The following TMEM184B variants were observed in gnomAD, a reference collection of about 807,000 sequenced individuals.
The protein encoded by TMEM184B is putative MAPK-activating protein FM08.
A neutral mutation model predicts 41.8 loss-of-function variants in TMEM184B; 17 were observed. The ratio of observed to expected loss-of-function variants is 0.41; its 90% CI spans 0.28 to 0.61. TMEM184B has a LOEUF of 0.61. Among genes scored for constraint, TMEM184B ranks in the 20% least tolerant of loss-of-function variants. TMEM184B has a pLI of 0.34. For missense variants in TMEM184B, 393 were observed against 557.8 expected (o/e 0.70, Z 2.98); for synonymous variants, 240 against 229.5 (o/e 1.05, Z -0.41).
At chr22:38,227,445 C>T (rs1398107513) in intron 5 of TMEM184B, among the ~76,000 whole-genome samples, 1 of 152,044 alleles carries the variant, frequency 6.6e-6, no homozygotes, top group East Asian at 1.9e-4. Flanking sequence ...AAGGCTAGGG[C>T]CCTGCTCAAG....
At position 38,219,610 on chromosome 22, in the gene TMEM184B, C is replaced by T. The variant is rs528889255; in HGVS notation, c.*1859G>A. On this transcript the variant is annotated 3_prime_UTR_variant, in exon 9 of 9. Coordinates refer to ENST00000361906, the MANE Select transcript of TMEM184B (RefSeq NM_012264.5). ...GGTCGGGCACATGTTCCCGTCCCCACGACCCCACGGACCGCTGATTCCCTG... is the reference window on the plus strand; with the variant it reads ...GGTCGGGCACATGTTCCCGTCCCCATGACCCCACGGACCGCTGATTCCCTG... 1.2e-5 allele frequency: 12 copies of T among 985,468 alleles called. No homozygotes were observed. In the African/African-American group the frequency reaches 1.2e-4, roughly 10 times the overall value. 61.0% of individuals were successfully genotyped at this position (985,468 alleles called of 1,614,324 possible). A position where few individuals can be genotyped will look rare whatever the true frequency, so the allele number is the denominator to read the frequency against.
At chr22:38,264,750 C>A (rs2092420478) in intron 1 of TMEM184B, among the ~76,000 whole-genome samples, 1 of 152,204 alleles carries the variant, frequency 6.6e-6, no homozygotes, top group Non-Finnish European at 1.5e-5. Context: ...TTCCACAAAT[C>A]TGGCCCAACT....
intron 3 of TMEM184B, among the ~76,000 whole-genome samples, chr22:38,242,347 G>A (rs1225159291): frequency 6.6e-6 from 1 of 151,948 alleles, no homozygotes; most frequent in Non-Finnish European, 1.5e-5. Context: ...GCGTGAAGGC[G>A]TGTGCCTGTA....
rs2091210468 is a variant in TMEM184B, at chr22:38,219,810, C to T, written c.*1659G>A. ...AGGGCTGGTCCTCAGCCTGTGTCTGCACCCACCCTCCCGGGCAGCTTGGGC... is the reference window on the plus strand; with the variant it reads ...AGGGCTGGTCCTCAGCCTGTGTCTGTACCCACCCTCCCGGGCAGCTTGGGC... On this transcript the variant is annotated 3_prime_UTR_variant, in exon 9 of 9. Coordinates refer to ENST00000361906, the MANE Select transcript of TMEM184B (RefSeq NM_012264.5). 1 of 985,512 alleles carries T rather than the reference C, an allele frequency of 1.0e-6. No homozygotes were observed. Among genetic ancestry groups the T allele is most frequent in the Non-Finnish European group, 1.2e-6 (1 of 829,980 alleles). The allele number at this position is 985,512 out of a possible 1,614,324, so 61.0% of individuals were successfully genotyped here. A position where few individuals can be genotyped will look rare whatever the true frequency, so the allele number is the denominator to read the frequency against.
intron 1 of TMEM184B, among the ~76,000 whole-genome samples, chr22:38,259,324 T>C (rs1208471287): frequency 6.6e-6 from 1 of 152,234 alleles, no homozygotes; most frequent in Admixed American, 6.5e-5. Context: ...GTTGACATCC[T>C]AACCCCCAGA....
intron 1 of TMEM184B, among the ~76,000 whole-genome samples, chr22:38,271,159 C>T (rs2092516642): frequency 6.6e-6 from 1 of 152,200 alleles, no homozygotes; most frequent in Non-Finnish European, 1.5e-5. Flanking sequence ...GCTATTGGAG[C>T]CTCGTATCCA....
downstream of TMEM184B, among the ~76,000 whole-genome samples, chr22:38,217,614 C>A (rs1254207880): frequency 1.3e-5 from 2 of 151,748 alleles, no homozygotes; most frequent in Admixed American, 1.3e-4. Flanking sequence ...TGGACTCCAG[C>A]CTGGGCGACA....
intron 4 of TMEM184B, 76 bp from the exon 5 acceptor site, chr22:38,230,820 C>A: frequency 1.5e-6 from 2 of 1,375,224 alleles, no homozygotes; most frequent in South Asian, 1.2e-5. Context: ...TGGGGAAGGC[C>A]GCCCTCCCAC....
At chr22:38,269,314 G>T (rs1054055848) in intron 1 of TMEM184B, among the ~76,000 whole-genome samples, 1 of 152,142 alleles carries the variant, frequency 6.6e-6, no homozygotes, top group South Asian at 2.1e-4. Flanking sequence ...TCCGCCTCCC[G>T]GATTAAAGCA....
At chr22:38,230,286 G>A (rs2091572893) in intron 5 of TMEM184B, among the ~76,000 whole-genome samples, 1 of 152,250 alleles carries the variant, frequency 6.6e-6, no homozygotes, top group Non-Finnish European at 1.5e-5. Flanking sequence ...GACGGCAGAG[G>A]CCTGTTCTGG....
rs2034164173 is a variant in TMEM184B, at chr22:38,224,933, G to C, written c.834C>G (p.Ile278Met). 3 of 1,604,136 alleles carry C rather than the reference G, an allele frequency of 1.9e-6. No homozygotes were observed. The highest frequency in any genetic ancestry group is 2.6e-6 in the Non-Finnish European group (3 of 1,175,156). Residue 278 changes from isoleucine to methionine, a missense_variant, in exon 8 of 9, where the codon ATC becomes ATG. Transcript: ENST00000361906. ...CGCCCACCGACACGCGGGCCGAGTG[G>C]ATTTTGGGGATGGCCCCACACTTCT... The part of the protein sequence containing the change: ...ILEKCGAIPK[I>M]HSARVSVGEG...
At chr22:38,267,216 T>C (rs570430056) in intron 1 of TMEM184B, among the ~76,000 whole-genome samples, 17 of 152,052 alleles carry the variant, frequency 1.1e-4, no homozygotes, top group Non-Finnish European at 1.9e-4. Context: ...TTGTAAAACA[T>C]GGTTGAGCTG....
intron 5 of TMEM184B, among the ~76,000 whole-genome samples, chr22:38,228,376 A>T (rs183970930): frequency 1.6e-3 from 242 of 151,968 alleles, no homozygotes; most frequent in African/African-American, 5.0e-3. Context: ...CCCATGGTAC[A>T]GGTGAGGAAA....
intron 3 of TMEM184B, chr22:38,231,600 G>C (rs1015230020): frequency 1.7e-6 from 1 of 593,546 alleles, no homozygotes; most frequent in Admixed American, 2.4e-5. Context: ...AGGGACTGTC[G>C]TGAGTTCAGG....
At position 38,255,022 on chromosome 22, in the gene TMEM184B, T is replaced by A. The variant is rs147857145; in HGVS notation, c.-58-7003A>T. On this transcript the variant is annotated intron_variant, in intron 1 of 8. Transcript: ENST00000361906. ...CCCGCCACCATGGCCAGCTAATTTT[T>A]TTTATTTATTTATTTTTTTGAGACG... Among the ~76,000 whole-genome samples, 106 of 151,968 alleles carry A rather than the reference T, an allele frequency of 7.0e-4. 1 individual carries two copies. The highest frequency in any genetic ancestry group is 1.2e-3 in the Admixed American group (18 of 15,266).
At chr22:38,230,612 G>T in intron 5 of TMEM184B, 57 bp downstream of exon 5, 2 of 1,561,554 alleles carry the variant, frequency 1.3e-6, no homozygotes, top group East Asian at 4.6e-5. Context: ...CCCACGGCAG[G>T]GCCTCCCAGA....
At chr22:38,245,713 G>A (rs2092010889) in intron 3 of TMEM184B, among the ~76,000 whole-genome samples, 2 of 152,088 alleles carry the variant, frequency 1.3e-5, no homozygotes, top group African/African-American at 4.8e-5. Flanking sequence ...ATTGAGAAGC[G>A]AGACCCAGGT....
intron 1 of TMEM184B, among the ~76,000 whole-genome samples, chr22:38,253,656 T>C (rs950898390): frequency 1.3e-5 from 2 of 152,064 alleles, no homozygotes; most frequent in African/African-American, 2.4e-5. Context: ...AAATCACACA[T>C]TTAAATGTAA....
At position 38,220,204 on chromosome 22, in the gene TMEM184B, C is replaced by G; in HGVS notation, c.*1265G>C. 4.1e-6 allele frequency: 4 copies of G among 985,762 alleles called. No individual in the cohort carries two copies. Among genetic ancestry groups the G allele is most frequent in the Non-Finnish European group, 4.8e-6 (4 of 830,078 alleles). 61.1% of individuals were successfully genotyped at this position (985,762 alleles called of 1,614,324 possible). On this transcript the variant is annotated 3_prime_UTR_variant, in exon 9 of 9. Transcript: ENST00000361906. ...GCTGGGGGTTCCGGAGGCCCCAGGTCTAGAGGTGTGGAGGGGGAGAGGAGG... is the reference window on the plus strand; with the variant it reads ...GCTGGGGGTTCCGGAGGCCCCAGGTGTAGAGGTGTGGAGGGGGAGAGGAGG...
Sources: allele counts gnomAD v4.1 joint callset (sites outside exome capture counted in the v4.1 genomes callset), GRCh38; gene constraint gnomAD v4.1.1; transcripts MANE v1.5; gene names NCBI Gene and HGNC (gene_info 2026-07-23, HGNC 2026-07-21).